The following SGMS1 variants were observed in gnomAD, a reference collection of about 807,000 sequenced individuals.
The protein encoded by SGMS1 is sphingomyelin synthase 1.
SGMS1 carries 13 observed loss-of-function variants against 46.2 expected under a neutral mutation model. The ratio of observed to expected loss-of-function variants is 0.28; its 90% CI spans 0.18 to 0.45. The LOEUF (loss-of-function observed/expected upper bound fraction) is 0.45. SGMS1 is among the 20% of genes least tolerant of loss of function. SGMS1 has a pLI of 1.00. For synonymous variants in SGMS1, 203 were observed against 187.8 expected, an observed-to-expected ratio of 1.08 and a Z score of -0.66; for missense variants, 324 against 519.9, an observed-to-expected ratio of 0.62 and a Z score of 3.66.
Position 50,311,314 on chromosome 10 carries a change from C to T in SGMS1, c.843G>A (p.Leu281=). 1 of 1,613,998 alleles carries T rather than the reference C, an allele frequency of 6.2e-7. No homozygotes were observed. Among genetic ancestry groups the T allele is most frequent in the Non-Finnish European group, 8.5e-7 (1 of 1,179,908 alleles). The change falls in exon 9 of 11, where the codon CTG becomes CTA. Residue 281 remains leucine (L), a synonymous_variant. Transcript: ENST00000361781. ...TTAGCATGACCGTGTGGCCGCTGTA[C>T]AGATAGTCCCCACACATGTTGTGAG... ...TGSHNMCGDY[L]YSGHTVMLTL... is the part of the protein sequence containing the mutation.
intron 2 of SGMS1, among the ~76,000 whole-genome samples, chr10:50,537,056 C>T (rs1838008123): frequency 6.6e-6 from 1 of 152,124 alleles, no homozygotes; most frequent in African/African-American, 2.4e-5. Flanking sequence ...GGAAAACAGC[C>T]CACTGAGTCA....
At chr10:50,611,448 C>CA (rs1838748575) in intron 1 of SGMS1, among the ~76,000 whole-genome samples, 1 of 152,234 alleles carries the variant, frequency 6.6e-6, no homozygotes, top group Non-Finnish European at 1.5e-5. Flanking sequence ...AGCTGGCTTT[C>CA]AAAATCAGGG....
chr10:50,505,226 T>A (rs1837696600), intron 3 of SGMS1, among the ~76,000 whole-genome samples: 1 of 151,636 alleles, frequency 6.6e-6, no homozygotes, highest in Middle Eastern at 3.2e-3. Flanking sequence ...AAAAATAAAT[T>A]TAGAAAATTA....
At chr10:50,605,883 C>T (rs992373921) in intron 1 of SGMS1, among the ~76,000 whole-genome samples, 1 of 152,172 alleles carries the variant, frequency 6.6e-6, no homozygotes, top group Non-Finnish European at 1.5e-5. Context: ...CCAATTTCTC[C>T]TCATCCTCCC....
chr10:50,395,752 T>C (rs971807865), intron 6 of SGMS1, among the ~76,000 whole-genome samples: 1 of 152,182 alleles, frequency 6.6e-6, no homozygotes, highest in Admixed American at 6.5e-5. Context: ...GGATTCAGTA[T>C]TGGGCTGCTT....
chr10:50,521,687 C>T (rs1450139479), intron 2 of SGMS1, among the ~76,000 whole-genome samples: 7 of 152,092 alleles, frequency 4.6e-5, no homozygotes, highest in South Asian at 2.1e-4. Flanking sequence ...TAGAACATCT[C>T]TATTTTGACT....
intron 7 of SGMS1, among the ~76,000 whole-genome samples, chr10:50,329,598 TC>T (rs768485738): frequency 3.9e-5 from 6 of 152,350 alleles, no homozygotes; most frequent in Non-Finnish European, 7.3e-5. Flanking sequence ...GGCGTTCACT[TC>T]CTTAATCAAA....
chr10:50,313,788 GTGTT>G (rs1847295793), intron 8 of SGMS1, among the ~76,000 whole-genome samples: 1 of 152,154 alleles, frequency 6.6e-6, no homozygotes, highest in African/African-American at 2.4e-5. Context: ...GTGAAACAAT[GTGTT>G]TGGGCAGAAA....
intron 1 of SGMS1, among the ~76,000 whole-genome samples, chr10:50,622,348 C>G (rs1307188478): frequency 6.6e-6 from 1 of 152,150 alleles, no homozygotes; most frequent in Non-Finnish European, 1.5e-5. Context: ...CATCGCGTTC[C>G]TACGTCACCA....
At chr10:50,347,046 G>C (rs1438787927) in intron 6 of SGMS1, among the ~76,000 whole-genome samples, 1 of 152,142 alleles carries the variant, frequency 6.6e-6, no homozygotes, top group East Asian at 1.9e-4. Flanking sequence ...AGCTTTTAAA[G>C]ATATTTCAGA....
At chr10:50,551,635 TA>T (rs1449706844) in intron 2 of SGMS1, among the ~76,000 whole-genome samples, 4 of 152,112 alleles carry the variant, frequency 2.6e-5, no homozygotes, top group African/African-American at 9.7e-5. Flanking sequence ...GAGAACTCTG[TA>T]CTATCTTTGC....
chr10:50,528,344 A>T (rs1209944752), intron 2 of SGMS1, among the ~76,000 whole-genome samples: 2 of 152,200 alleles, frequency 1.3e-5, no homozygotes, highest in African/African-American at 2.4e-5. Context: ...GATTTTACTC[A>T]ATCTTCAAAA....
intron 2 of SGMS1, among the ~76,000 whole-genome samples, chr10:50,579,428 C>T (rs917656579): frequency 6.6e-6 from 1 of 151,884 alleles, no homozygotes; most frequent in African/African-American, 2.4e-5. Context: ...TGAAAATAGA[C>T]CCCACCAAGG....
chr10:50,433,408 C>T (rs1471434859), intron 6 of SGMS1, 68 bp downstream of exon 6: 2 of 152,278 alleles, frequency 1.3e-5, no homozygotes, highest in Admixed American at 1.3e-4. Context: ...ATCCTTTTAC[C>T]ATGGTTCCTT....
chr10:50,469,530 C>T (rs1420815148), intron 3 of SGMS1, among the ~76,000 whole-genome samples: 1 of 152,156 alleles, frequency 6.6e-6, no homozygotes, highest in Non-Finnish European at 1.5e-5. Context: ...GTTAACAATG[C>T]ATGCCATACA....
upstream of SGMS1, chr10:50,624,892 A>G: frequency 2.0e-6 from 2 of 1,000,926 alleles, no homozygotes; most frequent in South Asian, 3.6e-5. Context: ...CGAGCGGGGG[A>G]AGGGGCGCGG....
chr10:50,341,358 C>T (rs751794018), intron 7 of SGMS1: 35 of 455,794 alleles, frequency 7.7e-5, no homozygotes, highest in Admixed American at 2.4e-5. Context: ...AGGAAACCAG[C>T]GATGGACCCC....
chr10:50,582,082 AT>A (rs1310877473), intron 2 of SGMS1, among the ~76,000 whole-genome samples: 2 of 152,126 alleles, frequency 1.3e-5, no homozygotes, highest in Admixed American at 1.3e-4. Context: ...GGCAAGCACT[AT>A]TTTTCCTCAA....
intron 1 of SGMS1, among the ~76,000 whole-genome samples, chr10:50,610,717 G>A (rs1029988879): frequency 5.9e-5 from 9 of 152,194 alleles, no homozygotes; most frequent in African/African-American, 2.2e-4. Flanking sequence ...AGGTGGCAGA[G>A]ACATTCTGAG....
Sources: allele counts gnomAD v4.1 joint callset (sites outside exome capture counted in the v4.1 genomes callset), GRCh38; gene constraint gnomAD v4.1.1; transcripts MANE v1.5; gene names NCBI Gene and HGNC (gene_info 2026-07-23, HGNC 2026-07-21).